The following SLC4A1AP variants were observed in gnomAD, a reference collection of about 807,000 sequenced individuals.
SLC4A1AP encodes the protein solute carrier family 4 member 1 adaptor protein.
A neutral mutation model predicts 89.7 loss-of-function variants in SLC4A1AP; 64 were observed. The observed-to-expected ratio is 0.71, with a 90% CI of 0.58 to 0.88. The LOEUF (loss-of-function observed/expected upper bound fraction) is 0.88. SLC4A1AP is among the 40% of genes least tolerant of loss of function. SLC4A1AP has a pLI of 0.00. For synonymous variants in SLC4A1AP, 366 were observed against 353.3 expected, an observed-to-expected ratio of 1.04 and a Z score of -0.40; for missense variants, 931 against 965.0, an observed-to-expected ratio of 0.96 and a Z score of 0.47.
chr2:27,663,945 C>T (rs781036504), exon 1 of SLC4A1AP: 1 of 1,614,200 alleles, frequency 6.2e-7, no homozygotes, highest in Non-Finnish European at 8.5e-7. Context: ...GTCAGAGACC[C>T]TGGCGTCGCA....
chr2:27,671,649 G>A (rs758926785), intron 5 of SLC4A1AP, among the ~76,000 whole-genome samples: 9 of 152,114 alleles, frequency 5.9e-5, no homozygotes, highest in Non-Finnish European at 1.2e-4. Context: ...CCTTTCTCCA[G>A]GGTTGACTTT....
intron 3 of SLC4A1AP, 167 bp from the exon 4 acceptor site, chr2:27,668,676 C>CT (rs1558505457): frequency 1.4e-6 from 1 of 719,018 alleles, no homozygotes; most frequent in Non-Finnish European, 2.5e-6. Flanking sequence ...TTTCGCGCTC[C>CT]TTAACTCAAG....
intron 3 of SLC4A1AP, 167 bp from the exon 4 acceptor site, chr2:27,668,676 C>T (rs542699668): frequency 7.2e-5 from 52 of 719,018 alleles, no homozygotes; most frequent in South Asian, 6.7e-4. Flanking sequence ...TTTCGCGCTC[C>T]TTAACTCAAG....
intron 4 of SLC4A1AP, 58 bp downstream of exon 4, chr2:27,668,961 G>A (rs1675378213): frequency 6.7e-7 from 1 of 1,487,516 alleles, no homozygotes; most frequent in Non-Finnish European, 9.4e-7. Context: ...CAGGTTTAAT[G>A]TATGGTTATA....
Position 27,688,730 on chromosome 2 carries a change from G to A in SLC4A1AP, c.2234G>A (p.Gly745Asp), listed in dbSNP as rs1313113554. Reference sequence around the variant, plus strand: ...AAGAATGAATATGAGAAAAGCAGAGGTGAATTGAAGAAAAAGAAAACACCT... The same window carrying A: ...AAGAATGAATATGAGAAAAGCAGAGATGAATTGAAGAAAAAGAAAACACCT... The change falls in exon 12 of 14, where the codon GGT becomes GAT. Residue 745 changes from glycine (G) to aspartate (D), a missense_variant. Coordinates refer to ENST00000613058, the Ensembl canonical transcript of SLC4A1AP. The A allele has an allele frequency of 6.2e-7, 1 of 1,603,750 alleles. No homozygotes were observed. Among genetic ancestry groups the A allele is most frequent in the African/African-American group, 1.3e-5 (1 of 74,106 alleles).
chr2:27,678,302 T>C (rs960639169), intron 8 of SLC4A1AP, among the ~76,000 whole-genome samples: 1 of 152,060 alleles, frequency 6.6e-6, no homozygotes. Context: ...CCTAGAACTT[T>C]GGGAGGTTGA....
intron 3 of SLC4A1AP, among the ~76,000 whole-genome samples, chr2:27,667,804 G>A (rs1412410474): frequency 6.6e-6 from 1 of 151,376 alleles, no homozygotes; most frequent in Non-Finnish European, 1.5e-5. Flanking sequence ...TTTCCATAGA[G>A]GATTGTTTTG....
chr2:27,694,114 T>C (rs577917346), intron 13 of SLC4A1AP, among the ~76,000 whole-genome samples: 1 of 152,306 alleles, frequency 6.6e-6, no homozygotes, highest in African/African-American at 2.4e-5. Context: ...AGGAAAACAA[T>C]TCTGGCTGTG....
At chr2:27,683,896 C>A (rs1278374146) in intron 9 of SLC4A1AP, among the ~76,000 whole-genome samples, 3 of 151,982 alleles carry the variant, frequency 2.0e-5, no homozygotes, top group Non-Finnish European at 4.4e-5. Context: ...CCACCACGCC[C>A]AACTAATTTT....
chr2:27,667,155 C>A (rs1675343057), intron 2 of SLC4A1AP, 113 bp from the exon 3 acceptor site: 3 of 1,146,766 alleles, frequency 2.6e-6, no homozygotes, highest in Admixed American at 5.0e-5. Flanking sequence ...AGGCATGAGC[C>A]ACTGCGCCCA....
chr2:27,692,444 C>T (rs1181518691), intron 12 of SLC4A1AP: 2 of 152,150 alleles, frequency 1.3e-5, no homozygotes, highest in Non-Finnish European at 2.9e-5. Flanking sequence ...ATATTTCAGG[C>T]ACTGATGAGA....
intron 6 of SLC4A1AP, among the ~76,000 whole-genome samples, chr2:27,676,715 A>G (rs1160144006): frequency 6.6e-6 from 1 of 151,584 alleles, no homozygotes; most frequent in Non-Finnish European, 1.5e-5. Context: ...CTGTAGTCCT[A>G]GCTACTCTGG....
At chr2:27,664,561 G>A in exon 1 of SLC4A1AP, 1 of 1,610,674 alleles carries the variant, frequency 6.2e-7, no homozygotes, top group Non-Finnish European at 8.5e-7. Context: ...GGCAGCACCC[G>A]GCTCTTTATC....
At chr2:27,682,521 A>T (rs1675635757) in intron 9 of SLC4A1AP, among the ~76,000 whole-genome samples, 162 bp downstream of exon 9, 1 of 139,104 alleles carries the variant, frequency 7.2e-6, no homozygotes, top group African/African-American at 2.6e-5. Flanking sequence ...TGGTTCTTGG[A>T]TTCTTTTTTT....
At chr2:27,682,786 T>C (rs555424766) in intron 9 of SLC4A1AP, among the ~76,000 whole-genome samples, 1 of 152,320 alleles carries the variant, frequency 6.6e-6, no homozygotes, top group Admixed American at 6.5e-5. Flanking sequence ...CCTCCCAAAA[T>C]GCTGGGTTTA....
intron 3 of SLC4A1AP, chr2:27,668,569 C>T: frequency 1.7e-6 from 1 of 601,200 alleles, no homozygotes; most frequent in South Asian, 1.5e-5. Context: ...CCGGCCTTAG[C>T]CCCCGTAGTA....
exon 5 of SLC4A1AP, chr2:27,669,323 G>T: frequency 6.2e-7 from 1 of 1,613,320 alleles, no homozygotes; most frequent in Non-Finnish European, 8.5e-7. Flanking sequence ...AAGAAGCAAT[G>T]ATCCAGTGCT....
intron 2 of SLC4A1AP, among the ~76,000 whole-genome samples, chr2:27,665,647 A>G (rs938113770): frequency 6.6e-6 from 1 of 152,246 alleles, no homozygotes; most frequent in East Asian, 1.9e-4. Context: ...ACTCTATTCA[A>G]TCAAATAAAT....
At chr2:27,673,556 G>C (rs892035181) in intron 5 of SLC4A1AP, among the ~76,000 whole-genome samples, 3 of 151,056 alleles carry the variant, frequency 2.0e-5, no homozygotes, top group Admixed American at 2.0e-4. Context: ...ATCAACTTCC[G>C]GGGCTCAAGC....
Sources: allele counts gnomAD v4.1 joint callset (sites outside exome capture counted in the v4.1 genomes callset), GRCh38; gene constraint gnomAD v4.1.1; transcripts MANE v1.5; gene names NCBI Gene and HGNC (gene_info 2026-07-23, HGNC 2026-07-21).